Variants in STN1 observed in about 807,000 individuals in gnomAD.
STN1 encodes STN1 subunit of CST complex.
A neutral mutation model predicts 45.5 loss-of-function variants in STN1; 29 were observed. The observed-to-expected ratio is 0.64, with a 90% CI of 0.47 to 0.87. The LOEUF is 0.87. Ranked by LOEUF, STN1 falls within the 40% of genes least tolerant of loss-of-function variation. The pLI is 0.00. For missense variants in STN1, 376 were observed against 441.4 expected, an observed-to-expected ratio of 0.85 and a Z score of 1.33; for synonymous variants, 148 against 159.0, an observed-to-expected ratio of 0.93 and a Z score of 0.52.
intron 2 of STN1, among the ~76,000 whole-genome samples, chr10:103,911,366 G>C (rs1430418303): frequency 1.3e-5 from 2 of 152,072 alleles, no homozygotes; most frequent in East Asian, 3.9e-4. Context: ...CCTTCTGCCT[G>C]TCCCCCAATA....
chr10:103,882,998 C>A (rs913203826), intron 9 of STN1, among the ~76,000 whole-genome samples, 157 bp from the exon 10 acceptor site: 1 of 152,196 alleles, frequency 6.6e-6, no homozygotes, highest in East Asian at 1.9e-4. Context: ...ATCACAAAAA[C>A]AAAACAGAAA....
chr10:103,900,583 T>C (rs918870233), intron 4 of STN1, among the ~76,000 whole-genome samples: 3 of 152,136 alleles, frequency 2.0e-5, no homozygotes, highest in South Asian at 2.1e-4. Context: ...GTGGCAGCAA[T>C]AGCTTTAAAC....
At chr10:103,888,668 G>C (rs1337266620) in intron 9 of STN1, among the ~76,000 whole-genome samples, 2 of 152,160 alleles carry the variant, frequency 1.3e-5, no homozygotes, top group Non-Finnish European at 1.5e-5. Context: ...TCAAAGAAGG[G>C]GGGCAAGCAT....
intron 7 of STN1, among the ~76,000 whole-genome samples, chr10:103,893,304 G>T (rs1305630120): frequency 6.6e-6 from 1 of 152,062 alleles, no homozygotes. Context: ...GAGTAGCTGG[G>T]ACTACAGGCG....
Position 103,898,737 on chromosome 10 carries a change from G to A in STN1, c.581+140C>T, listed in dbSNP as rs1329751363. 7.0e-6 allele frequency: 6 copies of A among 851,996 alleles called. No individual in the cohort carries two copies. In the South Asian group the frequency reaches 8.3e-5, roughly 12 times the overall value. 52.8% of individuals were successfully genotyped at this position (851,996 alleles called of 1,614,324 possible). ...TTGAGGAAATTGAAGCATAGAGAGG[G>A]TTAGAGGGCTTGCCCAGAGCCCCAC... On this transcript the variant is annotated intron_variant, in intron 6 of 9. Transcript: ENST00000224950.
intron 2 of STN1, among the ~76,000 whole-genome samples, chr10:103,914,960 T>C (rs147567892): frequency 1.3e-5 from 2 of 152,188 alleles, no homozygotes. Flanking sequence ...GGTTATAAAT[T>C]TGGGGGTCCC....
At chr10:103,914,018 G>C (rs1400205627) in intron 2 of STN1, among the ~76,000 whole-genome samples, 2 of 152,084 alleles carry the variant, frequency 1.3e-5, no homozygotes, top group Non-Finnish European at 2.9e-5. Context: ...CAAGACATTT[G>C]ACTGTTTTCT....
intron 3 of STN1, among the ~76,000 whole-genome samples, chr10:103,908,274 C>T (rs1843256696): frequency 2.3e-5 from 1 of 43,570 alleles, no homozygotes; most frequent in Admixed American, 3.9e-4. Flanking sequence ...TCACCAACCC[C>T]CGGACTTCCC....
chr10:103,902,252 A>G (rs1431311262), intron 4 of STN1, among the ~76,000 whole-genome samples: 1 of 152,164 alleles, frequency 6.6e-6, no homozygotes, highest in Non-Finnish European at 1.5e-5. Flanking sequence ...GTTTCTTCAA[A>G]AAATCCCCAA....
At chr10:103,914,861 G>A (rs1277684080) in intron 2 of STN1, among the ~76,000 whole-genome samples, 1 of 152,088 alleles carries the variant, frequency 6.6e-6, no homozygotes, top group African/African-American at 2.4e-5. Flanking sequence ...ACAGGTGAAG[G>A]GCACAGTCCC....
In STN1 at chr10:103,896,392, C is replaced by T. The variant is rs148235682; in HGVS notation, c.753+1156G>A. ...CCACGTGGCAATCAGAGCAGCTAGA[C>T]GGCCAGGGAGGGCAAGGAGGGACAT... On this transcript the variant is annotated intron_variant, in intron 7 of 9. Coordinates refer to ENST00000224950, the MANE Select transcript of STN1 (RefSeq NM_024928.5). Among the ~76,000 whole-genome samples the T allele has an allele frequency of 1.1e-3, 170 of 152,184 alleles. 1 individual carries two copies. The highest frequency in any genetic ancestry group is 3.9e-3 in the African/African-American group (163 of 41,522).
At chr10:103,916,169 G>C (rs1048474223) in intron 2 of STN1, among the ~76,000 whole-genome samples, 2 of 152,238 alleles carry the variant, frequency 1.3e-5, no homozygotes, top group African/African-American at 4.8e-5. Context: ...ATTCTCACCA[G>C]TGATAAATCA....
rs556180842 is a variant in STN1, at chr10:103,901,232, T to G, written c.296-1009A>C. Among the ~76,000 whole-genome samples, 39 of 152,270 alleles carry G rather than the reference T, an allele frequency of 2.6e-4. 2 individuals are homozygous for G. In the South Asian group the frequency reaches 7.9e-3, roughly 31 times the overall value. ...GCATAATTTCAAATACACATATGTA[T>G]CCAAAGAAGCTACACAGCCAAGCAT... On this transcript the variant is annotated intron_variant, in intron 4 of 9. Transcript: ENST00000224950.
intron 3 of STN1, among the ~76,000 whole-genome samples, chr10:103,906,571 G>A (rs752048509): frequency 3.3e-5 from 5 of 152,108 alleles, no homozygotes; most frequent in Non-Finnish European, 7.3e-5. Flanking sequence ...TGAGGTGGGA[G>A]AATTGCTTGA....
intron 6 of STN1, 96 bp from the exon 7 acceptor site, chr10:103,897,815 A>G: frequency 1.6e-6 from 2 of 1,227,342 alleles, no homozygotes; most frequent in Non-Finnish European, 2.3e-6. Flanking sequence ...AAAATGCAAC[A>G]CTATATTGGA....
intron 7 of STN1, among the ~76,000 whole-genome samples, chr10:103,892,592 T>C (rs1368201565): frequency 6.6e-6 from 1 of 152,168 alleles, no homozygotes. Flanking sequence ...TGTATATATA[T>C]ATTAGCCCCC....
intron 7 of STN1, among the ~76,000 whole-genome samples, chr10:103,896,410 A>C (rs1843171287): frequency 6.6e-6 from 1 of 152,162 alleles, no homozygotes; most frequent in Non-Finnish European, 1.5e-5. Context: ...GAGGGCAAGG[A>C]GGGACATTTA....
In STN1 at chr10:103,889,122, A is replaced by T; in HGVS notation, c.899T>A (p.Leu300Gln). 1 of 1,613,616 alleles carries T rather than the reference A, an allele frequency of 6.2e-7. No homozygotes were observed. The highest frequency in any genetic ancestry group is 8.5e-7 in the Non-Finnish European group (1 of 1,179,570). ...LYYVTREDKDLHRKIHRIIQQ... is the reference protein window; with the variant it reads ...LYYVTREDKDQHRKIHRIIQQ... ...AATGATCCGGTGGATCTTTCTGTGC[A>T]GGTCTTTGTCTTCTCTGGTTACCTA... Residue 300 changes from leucine to glutamine, a missense_variant, in exon 9 of 10, where the codon CTG becomes CAG. Physicochemically the swap from Leu to Gln is moderately radical, Grantham distance 113. Transcript: ENST00000224950.
intron 7 of STN1, among the ~76,000 whole-genome samples, chr10:103,894,092 T>C (rs1205698284): frequency 6.6e-6 from 1 of 152,222 alleles, no homozygotes; most frequent in Non-Finnish European, 1.5e-5. Context: ...TTTAATTTCA[T>C]ACATGAGTGC....
Sources: gnomAD v4.1 joint callset for allele counts (sites outside exome capture counted in the v4.1 genomes callset) on GRCh38, gnomAD v4.1.1 for gene constraint, MANE v1.5 for transcripts, NCBI Gene and HGNC (gene_info 2026-07-23, HGNC 2026-07-21) for gene names.